The following LIG1 variants were observed in gnomAD, a reference collection of about 807,000 sequenced individuals.
LIG1 encodes the protein DNA ligase 1, also known as ligase I, DNA, ATP-dependent.
In LIG1, 70 loss-of-function variants were observed where a neutral mutation model predicts 115.7. The ratio of observed to expected loss-of-function variants is 0.60; its 90% CI spans 0.50 to 0.74. LIG1 has a LOEUF of 0.74. Ranked by LOEUF, LIG1 falls within the 30% of genes least tolerant of loss-of-function variation. LIG1 has a pLI of 0.00. For synonymous variants in LIG1, 487 were observed against 495.3 expected (o/e 0.98, Z 0.22); for missense variants, 1,115 against 1,225.6 (o/e 0.91, Z 1.35).
chr19:48,158,841 G>C (rs890625674), intron 4 of LIG1, among the ~76,000 whole-genome samples: 6 of 152,164 alleles, frequency 3.9e-5, no homozygotes, highest in Non-Finnish European at 8.8e-5. Flanking sequence ...TAAGCTCAGA[G>C]ACCTGCCAGC....
At chr19:48,135,635 T>A in intron 16 of LIG1, 45 bp downstream of exon 16, 53 of 1,365,026 alleles carry the variant, frequency 3.9e-5, no homozygotes, top group Non-Finnish European at 4.8e-5. Flanking sequence ...ACCCTGGCAC[T>A]CTGCCCACAG....
chr19:48,119,563 G>A (rs1796327201), intron 24 of LIG1, among the ~76,000 whole-genome samples: 3 of 130,418 alleles, frequency 2.3e-5, no homozygotes, highest in Admixed American at 8.3e-5. Flanking sequence ...TTTTGAGACA[G>A]GGTGTAGCTC....
rs561137392 is a variant in LIG1, at chr19:48,142,442, C to CAAAAAA, written c.914+1095_914+1100dup. Among the ~76,000 whole-genome samples the CAAAAAA allele has an allele frequency of 4.6e-4, 35 of 75,618 alleles. 5 individuals carry two copies. The highest frequency in any genetic ancestry group is 6.4e-4 in the East Asian group (1 of 1,566). 49.6% of individuals were successfully genotyped at this position (75,618 alleles called of 152,430 possible). On this transcript the variant is annotated intron_variant, in intron 11 of 27. Coordinates refer to ENST00000263274, the MANE Select transcript of LIG1 (RefSeq NM_000234.3). ...TGGGCAACAGAGCAAGACTCCATCT[C>CAAAAAA]AAAAAAAAAAAAAAACAGAGTGCTG...
rs532662987 is a variant in LIG1, at chr19:48,116,977, C to A, written c.2583+661G>T. 3.9e-5 allele frequency among the ~76,000 whole-genome samples: 6 copies of A among 152,218 alleles called. No individual in the cohort carries two copies. The East Asian group carries it at 7.8e-4, about 20-fold the overall frequency. ...CATGGTGAAACCCCGTCTCTACAGG[C>A]ACGGGTCACCATACCCAGCTAATTT... is the stretch of plus-strand genomic sequence containing the variant. On this transcript the variant is annotated intron_variant, in intron 26 of 27. Transcript: ENST00000263274.
chr19:48,155,092 G>A (rs1268232779), intron 5 of LIG1, among the ~76,000 whole-genome samples: 1 of 152,090 alleles, frequency 6.6e-6, no homozygotes, highest in Non-Finnish European at 1.5e-5. Flanking sequence ...CACACCCCCA[G>A]GGCCAACCTC....
chr19:48,120,110 A>G, intron 24 of LIG1: 1 of 889,872 alleles, frequency 1.1e-6, no homozygotes, highest in African/African-American at 1.8e-5. Context: ...TGTGATTTAT[A>G]AAAGTCACTT....
intron 1 of LIG1, among the ~76,000 whole-genome samples, chr19:48,167,780 T>C (rs2036555434): frequency 2.1e-5 from 3 of 145,736 alleles, no homozygotes; most frequent in Admixed American, 1.4e-4. Context: ...GAGCTGAGAC[T>C]GCACCACTGG....
In LIG1 at chr19:48,136,197, C is replaced by G. The variant is rs989245611; in HGVS notation, c.1332-72G>C. 47 of 1,153,600 alleles carry G rather than the reference C, an allele frequency of 4.1e-5. 1 individual carries two copies. The highest frequency in any genetic ancestry group is 5.7e-5 in the Non-Finnish European group (45 of 789,010). The allele number at this position is 1,153,600 out of a possible 1,614,324, so 71.5% of individuals were successfully genotyped here. A position where few individuals can be genotyped will look rare whatever the true frequency, so the allele number is the denominator to read the frequency against. On this transcript the variant is annotated intron_variant, in intron 14 of 27. Transcript: ENST00000263274. Reference sequence around the variant, plus strand: ...AATCTTGCCTCCTCCCTTCTCTGATCTCCTCGACCTTGATGTATGTAGACC... The same window carrying G: ...AATCTTGCCTCCTCCCTTCTCTGATGTCCTCGACCTTGATGTATGTAGACC...
At chr19:48,158,933 C>T (rs2036010477) in intron 4 of LIG1, among the ~76,000 whole-genome samples, 1 of 152,190 alleles carries the variant, frequency 6.6e-6, no homozygotes, top group African/African-American at 2.4e-5. Context: ...CTCCATGATG[C>T]CTTAGAGTTA....
At chr19:48,121,381 G>A in intron 23 of LIG1, 59 bp from the exon 24 acceptor site, 1 of 1,470,818 alleles carries the variant, frequency 6.8e-7, no homozygotes, top group Non-Finnish European at 9.1e-7. Flanking sequence ...GGCCCTCACT[G>A]CTGGGGAGGG....
chr19:48,151,328 G>A lies in LIG1; in HGVS notation c.478C>T (p.Pro160Ser). ...TCAGCCTCTGTGAGGCTTTCTTTCG[G>A]GGTCTCCTCTTCTGACGATAGACAG... ...RKKEEEEEET[P>S]KESLTEAEVA... The change falls in exon 7 of 28, where the codon CCG (proline) becomes TCG (serine). Residue 160 changes from proline to serine, a missense_variant. Transcript: ENST00000263274. The A allele has an allele frequency of 8.7e-6, 14 of 1,610,520 alleles. No homozygotes were observed. The highest frequency in any genetic ancestry group is 1.2e-5 in the Non-Finnish European group (14 of 1,176,878).
chr19:48,153,637 A>AACAC (rs36171813), intron 6 of LIG1, among the ~76,000 whole-genome samples: 1,147 of 58,762 alleles, frequency 0.02, 27 homozygotes, highest in Middle Eastern at 0.043. Flanking sequence ...GCAGATCCAA[A>AACAC]ACACACACAC....
rs1480531553 is a variant in LIG1 at position 48,167,840 on chromosome 19, A to AC, written c.-57-2218_-57-2217insG. On this transcript the variant is annotated intron_variant, in intron 1 of 27. Transcript: ENST00000263274. The stretch of plus-strand genomic sequence containing the variant: ...GACCCCGTCTTAAAAAAAAAAAAAA[A>AC]AAAAAAAAAACAAACAAAAAAGAAA... Among the ~76,000 whole-genome samples, 672 of 148,714 alleles carry AC rather than the reference A, an allele frequency of 4.5e-3. 4 individuals carry two copies. Among genetic ancestry groups the AC allele is most frequent in the African/African-American group, 6.9e-3 (279 of 40,374 alleles).
intron 17 of LIG1, chr19:48,133,566 A>G: frequency 3.2e-6 from 1 of 313,388 alleles, no homozygotes; most frequent in East Asian, 8.1e-5. Flanking sequence ...TGACAGAAAG[A>G]AATTCTATCT....
chr19:48,131,160 C>T lies in LIG1; in HGVS notation c.1737G>A (p.Leu579=), dbSNP rs1186610651. 6.2e-7 allele frequency: 1 copy of T among 1,613,852 alleles called. No homozygotes were observed. Among genetic ancestry groups the T allele is most frequent in the Non-Finnish European group, 8.5e-7 (1 of 1,179,724 alleles). The change falls in exon 19 of 28, where the codon CTG becomes CTA. Residue 579 remains leucine, a synonymous_variant. Transcript: ENST00000263274. ...TGAAGATCTTCACCTCCCCGCCTTC[C>T]AGGGCGTGGATCTGTCACGATGGGA... ...YDGQRAQIHA[L]EGGEVKIFSR...
In LIG1 at chr19:48,151,226, A is replaced by T; in HGVS notation, c.574+6T>A. 1 of 1,599,022 alleles carries T rather than the reference A, an allele frequency of 6.3e-7. No individual in the cohort carries two copies. Among genetic ancestry groups the T allele is most frequent in the Non-Finnish European group, 8.6e-7 (1 of 1,166,564 alleles). On this transcript the variant is annotated splice_donor_region_variant and intron_variant, in intron 7 of 27. Transcript: ENST00000263274. ...GGCAGGGCGGAGGAGAGGACCAGAAACTCACTGGAGGTCTTTAGGGGCTTG... is the reference window on the plus strand; with the variant it reads ...GGCAGGGCGGAGGAGAGGACCAGAATCTCACTGGAGGTCTTTAGGGGCTTG...
At chr19:48,155,300 C>T (rs2035765773) in intron 5 of LIG1, among the ~76,000 whole-genome samples, 1 of 152,170 alleles carries the variant, frequency 6.6e-6, no homozygotes, top group South Asian at 2.1e-4. Flanking sequence ...CTCTAGCTCA[C>T]CTCTCACCAC....
At chr19:48,146,373 G>T (rs371992237) in intron 9 of LIG1, among the ~76,000 whole-genome samples, 1 of 152,238 alleles carries the variant, frequency 6.6e-6, no homozygotes, top group East Asian at 1.9e-4. Context: ...GAAAGGACAG[G>T]TGGGTTAAAA....
intron 9 of LIG1, chr19:48,147,175 G>T (rs1047740308): frequency 7.2e-5 from 11 of 152,154 alleles, no homozygotes; most frequent in African/African-American, 2.7e-4. Flanking sequence ...AGAGATTTTG[G>T]ACTCACTGCG....
Sources: allele counts gnomAD v4.1 joint callset (sites outside exome capture counted in the v4.1 genomes callset), GRCh38; gene constraint gnomAD v4.1.1; transcripts MANE v1.5; gene names NCBI Gene and HGNC (gene_info 2026-07-23, HGNC 2026-07-21).